Variants in EPB41L5 observed in about 807,000 individuals in gnomAD.
The protein encoded by EPB41L5 is erythrocyte membrane protein band 4.1 like 5.
A neutral mutation model predicts 106.6 loss-of-function variants in EPB41L5; 55 were observed. The observed-to-expected ratio is 0.52, with a 90% CI of 0.42 to 0.65. The LOEUF (loss-of-function observed/expected upper bound fraction) is 0.65, where lower values mean the gene tolerates loss of function less well. EPB41L5 is among the 30% of genes least tolerant of loss of function. EPB41L5 has a pLI of 0.00. For missense variants in EPB41L5, 871 were observed against 882.1 expected (o/e 0.99, Z 0.16); for synonymous variants, 297 against 306.7 (o/e 0.97, Z 0.33).
At chr2:120,069,673 T>G (rs563567288) in intron 3 of EPB41L5, among the ~76,000 whole-genome samples, 4 of 152,054 alleles carry the variant, frequency 2.6e-5, no homozygotes, top group African/African-American at 9.6e-5. Flanking sequence ...TCACTCAGAA[T>G]AGCACAACTA....
chr2:120,027,407 T>C (rs1678401655), intron 2 of EPB41L5, among the ~76,000 whole-genome samples: 1 of 152,192 alleles, frequency 6.6e-6, no homozygotes, highest in African/African-American at 2.4e-5. Flanking sequence ...TTTGAGAACA[T>C]TATTCTGTTA....
intron 10 of EPB41L5, among the ~76,000 whole-genome samples, chr2:120,080,951 GTTGT>G (rs1220486777): frequency 3.9e-5 from 6 of 152,112 alleles, no homozygotes; most frequent in East Asian, 3.9e-4. Context: ...TTTTGGTGGG[GTTGT>G]TTGTTTTTTT....
At chr2:120,086,284 A>T (rs2105354229) in intron 10 of EPB41L5, among the ~76,000 whole-genome samples, 1 of 152,294 alleles carries the variant, frequency 6.6e-6, no homozygotes, top group South Asian at 2.1e-4. Context: ...TTTATATGTT[A>T]TATTTAAAGA....
chr2:120,115,478 C>G (rs527258962), intron 16 of EPB41L5, among the ~76,000 whole-genome samples: 1 of 152,196 alleles, frequency 6.6e-6, no homozygotes, highest in Non-Finnish European at 1.5e-5. Flanking sequence ...GATCTCGGCT[C>G]ACTGCAACCT....
chr2:120,075,558 G>C (rs368729648), intron 6 of EPB41L5, 38 bp downstream of exon 6: 7 of 1,474,050 alleles, frequency 4.7e-6, no homozygotes, highest in Non-Finnish European at 6.6e-6. Flanking sequence ...GCACATTTTC[G>C]TGAGTGGTTG....
chr2:120,129,143 T>TATAACAAACCTGC (rs1685589683), intron 17 of EPB41L5, among the ~76,000 whole-genome samples: 1 of 152,040 alleles, frequency 6.6e-6, no homozygotes, highest in Admixed American at 6.6e-5. Context: ...AATATACCCT[T>TATAACAAACCTGC]ATAACAAACC....
At chr2:120,029,162 TTTG>T (rs952799617) in intron 2 of EPB41L5, among the ~76,000 whole-genome samples, 10 of 152,138 alleles carry the variant, frequency 6.6e-5, no homozygotes, top group African/African-American at 2.2e-4. Flanking sequence ...AATTGCGGTT[TTTG>T]TTGTTGTTGT....
chr2:120,126,469 A>G (rs920576734), intron 16 of EPB41L5, among the ~76,000 whole-genome samples: 1 of 151,972 alleles, frequency 6.6e-6, no homozygotes, highest in Non-Finnish European at 1.5e-5. Context: ...TTTTGATTCA[A>G]TTTTTGTGTA....
chr2:120,172,289 G>C (rs1180551706), intron 24 of EPB41L5, among the ~76,000 whole-genome samples: 3 of 152,182 alleles, frequency 2.0e-5, no homozygotes, highest in African/African-American at 4.8e-5. Context: ...CTAGATTAAA[G>C]AGGTCTGTTG....
intron 1 of EPB41L5, among the ~76,000 whole-genome samples, chr2:120,014,186 A>T (rs1677349938): frequency 6.6e-6 from 1 of 152,254 alleles, no homozygotes; most frequent in South Asian, 2.1e-4. Flanking sequence ...TATTGTGGCC[A>T]CCAGTCATGT....
Position 120,019,178 on chromosome 2 carries a change from C to G in EPB41L5, c.94C>G (p.His32Asp). ...CCGAGAAGCACAACGCGCCGCCACA[C>G]ATATTCCTGCAGCTGGAGATTCTAA... ...RLREAQRAAT[H>D]IPAAGDSKSI... Residue 32 changes from histidine (H) to aspartate (D), a missense_variant, in exon 2 of 25, where the codon CAT becomes GAT. Transcript: ENST00000263713. The G allele has an allele frequency of 6.2e-7, 1 of 1,614,032 alleles. No individual in the cohort carries two copies. The highest frequency in any genetic ancestry group is 8.5e-7 in the Non-Finnish European group (1 of 1,180,002).
At chr2:120,073,981 A>G (rs902116525) in intron 4 of EPB41L5, 119 bp from the exon 5 acceptor site, 2 of 700,168 alleles carry the variant, frequency 2.9e-6, no homozygotes, top group African/African-American at 3.6e-5. Flanking sequence ...AACCTGCAAT[A>G]ATGCCATAAA....
At chr2:120,118,812 T>C (rs571468917) in intron 16 of EPB41L5, among the ~76,000 whole-genome samples, 45 of 152,358 alleles carry the variant, frequency 3.0e-4, no homozygotes, top group African/African-American at 8.9e-4. Flanking sequence ...TGCATGCATG[T>C]ATTTCTACAA....
chr2:120,062,847 CT>C, intron 3 of EPB41L5, among the ~76,000 whole-genome samples: 1 of 151,216 alleles, frequency 6.6e-6, no homozygotes, highest in African/African-American at 2.4e-5. Flanking sequence ...TATTTTGATT[CT>C]TAAGATATGG....
chr2:120,053,221 T>C (rs779421277), intron 3 of EPB41L5, among the ~76,000 whole-genome samples: 2 of 152,220 alleles, frequency 1.3e-5, no homozygotes, highest in Non-Finnish European at 2.9e-5. Flanking sequence ...TGAAGAGTTA[T>C]TACCTCAGAG....
chr2:120,040,359 T>TA (rs1439519467), intron 2 of EPB41L5, among the ~76,000 whole-genome samples: 4 of 152,186 alleles, frequency 2.6e-5, no homozygotes, highest in Non-Finnish European at 4.4e-5. Context: ...ACATCACACT[T>TA]ACCAGTAGCA....
At chr2:120,096,341 A>AAAAT (rs1392441020) in intron 14 of EPB41L5, among the ~76,000 whole-genome samples, 140 of 152,346 alleles carry the variant, frequency 9.2e-4, no homozygotes, top group African/African-American at 3.3e-3. Context: ...TAGGCTGTTG[A>AAAAT]AAATAAATAA....
chr2:120,104,945 G>A (rs1684363853), intron 16 of EPB41L5: 6 of 979,504 alleles, frequency 6.1e-6, no homozygotes, highest in Non-Finnish European at 7.3e-6. Flanking sequence ...TAACTGAATG[G>A]TTACATTACT....
At chr2:120,015,745 G>C (rs1677471196) in intron 1 of EPB41L5, among the ~76,000 whole-genome samples, 1 of 151,766 alleles carries the variant, frequency 6.6e-6, no homozygotes, top group African/African-American at 2.4e-5. Flanking sequence ...AGGAGTTTGA[G>C]ACAAACCTGG....
Sources: gnomAD v4.1 joint callset for allele counts (sites outside exome capture counted in the v4.1 genomes callset) on GRCh38, gnomAD v4.1.1 for gene constraint, MANE v1.5 for transcripts, NCBI Gene and HGNC (gene_info 2026-07-23, HGNC 2026-07-21) for gene names.